Variants in PHF14 observed in about 807,000 individuals in gnomAD.
PHF14 encodes PHD finger protein 14.
PHF14 carries 55 observed loss-of-function variants against 117.9 expected under a neutral mutation model. That is an observed-to-expected ratio of 0.47 (90% CI 0.38 to 0.58). The LOEUF (loss-of-function observed/expected upper bound fraction) is 0.58. Ranked by LOEUF, PHF14 falls within the 20% of genes least tolerant of loss-of-function variation. The pLI, the probability that PHF14 is intolerant of heterozygous loss-of-function variation, is 0.00. For missense variants in PHF14, 978 were observed against 1,122.2 expected (o/e 0.87, Z 1.84); for synonymous variants, 409 against 368.6 (o/e 1.11, Z -1.26).
At chr7:11,027,734 A>G (rs1408658470) in intron 6 of PHF14, among the ~76,000 whole-genome samples, 2 of 152,092 alleles carry the variant, frequency 1.3e-5, no homozygotes, top group African/African-American at 4.8e-5. Flanking sequence ...TAAAACATGC[A>G]TGATTTCTAG....
chr7:11,028,923 C>T (rs1274291051), intron 7 of PHF14, 105 bp downstream of exon 7: 12 of 938,110 alleles, frequency 1.3e-5, no homozygotes, highest in South Asian at 4.1e-5. Flanking sequence ...AACATTTATT[C>T]TTAAAGTTCT....
At chr7:11,108,977 C>G (rs1442719298) in intron 16 of PHF14, 1 of 151,730 alleles carries the variant, frequency 6.6e-6, no homozygotes, top group Non-Finnish European at 1.5e-5. Flanking sequence ...AATGTTAATA[C>G]TTCATCAAGA....
chr7:11,117,444 A>G (rs1175644695), intron 17 of PHF14, among the ~76,000 whole-genome samples: 1 of 151,868 alleles, frequency 6.6e-6, no homozygotes, highest in Non-Finnish European at 1.5e-5. Flanking sequence ...CAGACTAGCT[A>G]AGGCGAGTGA....
intron 16 of PHF14, among the ~76,000 whole-genome samples, chr7:11,064,306 C>A (rs1048490991): frequency 6.6e-6 from 1 of 150,918 alleles, no homozygotes; most frequent in Non-Finnish European, 1.5e-5. Flanking sequence ...TTGAAAATCA[C>A]CCCCCAAAAG....
At chr7:11,038,385 C>G (rs183900301) in intron 10 of PHF14, among the ~76,000 whole-genome samples, 1 of 146,920 alleles carries the variant, frequency 6.8e-6, no homozygotes, top group South Asian at 2.1e-4. Flanking sequence ...GACACAAGAT[C>G]GTGCTACTGC....
chr7:11,006,468 CT>C (rs1417049389), intron 4 of PHF14: 6 of 539,962 alleles, frequency 1.1e-5, no homozygotes, highest in African/African-American at 1.9e-5. Flanking sequence ...CATATGCCTT[CT>C]TTTCTCCATC....
intron 3 of PHF14, among the ~76,000 whole-genome samples, chr7:10,986,482 A>G (rs920161319): frequency 3.9e-5 from 6 of 152,210 alleles, no homozygotes; most frequent in Admixed American, 1.3e-4. Context: ...TATCATTATG[A>G]AAACTGCCTT....
intron 16 of PHF14, among the ~76,000 whole-genome samples, chr7:11,099,744 A>G (rs927685505): frequency 2.0e-5 from 3 of 152,142 alleles, no homozygotes; most frequent in African/African-American, 7.2e-5. Flanking sequence ...AAATGAAGAC[A>G]TTAACTTCAT....
intron 16 of PHF14, among the ~76,000 whole-genome samples, chr7:11,083,171 GA>G (rs1463957028): frequency 6.6e-6 from 1 of 152,174 alleles, no homozygotes; most frequent in Non-Finnish European, 1.5e-5. Context: ...TTGCGTCAGG[GA>G]TAAAAACTTT....
intron 3 of PHF14, among the ~76,000 whole-genome samples, chr7:10,989,167 A>G (rs1397882862): frequency 1.3e-5 from 2 of 152,204 alleles, no homozygotes; most frequent in Admixed American, 6.5e-5. Context: ...TGATGTTTGC[A>G]TTCTTTTCTG....
At chr7:11,156,667 C>G (rs964162354) in intron 17 of PHF14, among the ~76,000 whole-genome samples, 2 of 151,748 alleles carry the variant, frequency 1.3e-5, no homozygotes, top group African/African-American at 4.8e-5. Context: ...TAGTGGCAGG[C>G]GCCTGTAATC....
chr7:11,062,170 G>A (rs529442801), intron 16 of PHF14, 85 bp downstream of exon 16: 1 of 1,146,424 alleles, frequency 8.7e-7, no homozygotes, highest in Admixed American at 2.7e-5. Context: ...AAAAACAATT[G>A]CAGGATAAGA....
chr7:11,088,282 T>C (rs1289140609), intron 16 of PHF14, among the ~76,000 whole-genome samples: 1 of 152,154 alleles, frequency 6.6e-6, no homozygotes, highest in African/African-American at 2.4e-5. Flanking sequence ...TTTTATTGGG[T>C]TTATTTTTCC....
chr7:11,013,903 GA>G lies in PHF14; in HGVS notation c.1204del (p.Arg402AspfsTer14). The G allele has an allele frequency of 6.3e-7, 1 of 1,597,478 alleles. No homozygotes were observed. The highest frequency in any genetic ancestry group is 8.6e-7 in the Non-Finnish European group (1 of 1,167,550). On this transcript the variant is annotated frameshift_variant and splice_region_variant, in exon 5 of 18. Transcript: ENST00000634607. LOFTEE classifies it high-confidence loss of function. ...GGAATTTTCAAGGAGACAGATGCTGGAAGGTTAATGTCCTAATTATGTTGGT... is the reference window on the plus strand; with the variant it reads ...GGAATTTTCAAGGAGACAGATGCTGGAGGTTAATGTCCTAATTATGTTGGT... Reference protein sequence around the residue: ...QDGIFKETDAGRWVHIVCALY... With the variant: ...QDGIFKETDAXRWVHIVCALY...
intron 16 of PHF14, chr7:11,104,331 A>C: frequency 2.0e-6 from 2 of 978,700 alleles, no homozygotes; most frequent in Non-Finnish European, 2.4e-6. Context: ...TAGGTCCTGC[A>C]AAAAGTATAG....
At chr7:11,015,587 C>T (rs934283060) in intron 5 of PHF14, among the ~76,000 whole-genome samples, 3 of 151,612 alleles carry the variant, frequency 2.0e-5, no homozygotes, top group African/African-American at 7.3e-5. Context: ...TTTTTAATAG[C>T]TATAATTTTA....
chr7:11,107,235 A>G (rs2128342660), intron 16 of PHF14: 1 of 979,146 alleles, frequency 1.0e-6, no homozygotes, highest in South Asian at 4.7e-5. Context: ...CACCTGACTA[A>G]TTGCTTGTTA....
chr7:11,153,189 C>T (rs1025523253), intron 17 of PHF14, among the ~76,000 whole-genome samples: 1 of 152,108 alleles, frequency 6.6e-6, no homozygotes, highest in African/African-American at 2.4e-5. Flanking sequence ...GATTAATCCA[C>T]AGGCAAGAAA....
chr7:11,108,480 C>T (rs1787342326), intron 16 of PHF14: 1 of 151,692 alleles, frequency 6.6e-6, no homozygotes, highest in Admixed American at 6.6e-5. Context: ...CCTATCACCC[C>T]TAATTCTGAC....
Sources: allele counts gnomAD v4.1 joint callset (sites outside exome capture counted in the v4.1 genomes callset), GRCh38; gene constraint gnomAD v4.1.1; transcripts MANE v1.5; gene names NCBI Gene and HGNC (gene_info 2026-07-23, HGNC 2026-07-21).